GPM6A: variants seen among roughly 807,000 people sequenced by gnomAD.
The protein encoded by GPM6A is neuronal membrane glycoprotein M6-a.
In GPM6A, 7 loss-of-function variants were observed where a neutral mutation model predicts 32.1. The observed-to-expected ratio is 0.22, with a 90% CI of 0.12 to 0.41. The LOEUF is 0.41. Among genes scored for constraint, GPM6A ranks in the 10% least tolerant of loss-of-function variants. The pLI is 1.00. For synonymous variants in GPM6A, 130 were observed against 123.4 expected, an observed-to-expected ratio of 1.05 and a Z score of -0.35; for missense variants, 235 against 347.2, an observed-to-expected ratio of 0.68 and a Z score of 2.57.
At chr4:175,914,353 ACT>A (rs1469304219) in intron 1 of GPM6A, among the ~76,000 whole-genome samples, 2 of 152,062 alleles carry the variant, frequency 1.3e-5, no homozygotes, top group African/African-American at 4.8e-5. Context: ...ACAGAGTCTC[ACT>A]CTATAGCCCA....
chr4:175,993,061 C>A (rs768276846), intron 1 of GPM6A, among the ~76,000 whole-genome samples: 1 of 152,042 alleles, frequency 6.6e-6, no homozygotes, highest in Non-Finnish European at 1.5e-5. Flanking sequence ...TGAAACAGTT[C>A]TTTCCTACCC....
chr4:175,837,244 TTC>T (rs1040176345), intron 1 of GPM6A, among the ~76,000 whole-genome samples: 1 of 152,064 alleles, frequency 6.6e-6, no homozygotes, highest in African/African-American at 2.4e-5. Flanking sequence ...AGAGAACAGA[TTC>T]TCTCCTAGAG....
intron 1 of GPM6A, among the ~76,000 whole-genome samples, chr4:175,737,659 T>C (rs900410392): frequency 3.3e-5 from 5 of 152,186 alleles, no homozygotes; most frequent in African/African-American, 1.2e-4. Context: ...TGAAAACATG[T>C]TCATCTTTGT....
At chr4:175,668,937 G>A (rs1398209899) in intron 3 of GPM6A, among the ~76,000 whole-genome samples, 5 of 152,068 alleles carry the variant, frequency 3.3e-5, no homozygotes, top group South Asian at 2.1e-4. Flanking sequence ...TGAGGTTAGC[G>A]GCATGGACTC....
Position 175,633,914 on chromosome 4 carries a change from T to C in GPM6A, c.*991A>G, listed in dbSNP as rs973891162. On this transcript the variant is annotated 3_prime_UTR_variant, in exon 7 of 7. Transcript: ENST00000393658. ...CCTTTTCAAATATATCATACACATT[T>C]TAGGAATAGTTTACAGAGGTGCAAT... The C allele has an allele frequency of 1.3e-5, 2 of 152,498 alleles. No individual in the cohort carries two copies. The highest frequency in any genetic ancestry group is 4.8e-5 in the African/African-American group (2 of 41,410). The allele number at this position is 152,498 out of a possible 1,614,324, so 9.4% of individuals were successfully genotyped here.
intron 2 of GPM6A, among the ~76,000 whole-genome samples, chr4:175,681,552 C>A (rs1308355296): frequency 6.6e-6 from 1 of 152,048 alleles, no homozygotes; most frequent in African/African-American, 2.4e-5. Context: ...TGATTGTAAT[C>A]CCCAATGCTG....
chr4:175,735,758 C>T (rs866334938), intron 1 of GPM6A, among the ~76,000 whole-genome samples: 1 of 152,096 alleles, frequency 6.6e-6, no homozygotes, highest in Non-Finnish European at 1.5e-5. Flanking sequence ...GACTGGGTTT[C>T]ACCACGTTGG....
At chr4:175,894,864 A>T (rs975948742) in intron 1 of GPM6A, among the ~76,000 whole-genome samples, 3 of 152,180 alleles carry the variant, frequency 2.0e-5, no homozygotes, top group African/African-American at 7.2e-5. Flanking sequence ...AAAAGAGATT[A>T]AGTATCACAT....
intron 1 of GPM6A, among the ~76,000 whole-genome samples, chr4:175,986,536 A>G (rs1174699151): frequency 1.3e-5 from 2 of 152,206 alleles, no homozygotes; most frequent in Admixed American, 1.3e-4. Context: ...TGGGCAACAG[A>G]GTGAGACTCC....
upstream of GPM6A, chr4:175,812,379 CAG>C: frequency 7.5e-7 from 1 of 1,339,348 alleles, no homozygotes; most frequent in Non-Finnish European, 9.4e-7. Flanking sequence ...GGCAAGTCCT[CAG>C]AGCTTAGCTC....
At chr4:175,846,522 A>T (rs556588201) in intron 1 of GPM6A, among the ~76,000 whole-genome samples, 1 of 152,124 alleles carries the variant, frequency 6.6e-6, no homozygotes, top group East Asian at 1.9e-4. Flanking sequence ...CGTGAGAGGC[A>T]CTCTGGATTA....
chr4:175,714,994 GA>G (rs34494840), intron 1 of GPM6A, among the ~76,000 whole-genome samples: 16,848 of 105,338 alleles, frequency 0.16, 1,201 homozygotes, highest in East Asian at 0.32. Context: ...ATCCCTGGAA[GA>G]AAAAAAAAAA....
intron 1 of GPM6A, among the ~76,000 whole-genome samples, chr4:175,732,912 A>G (rs1731494425): frequency 6.6e-6 from 1 of 152,182 alleles, no homozygotes. Flanking sequence ...GTATTTCATA[A>G]TCTGAGGAAA....
chr4:175,784,179 C>G (rs1733711876), intron 1 of GPM6A, among the ~76,000 whole-genome samples: 1 of 152,008 alleles, frequency 6.6e-6, no homozygotes, highest in Non-Finnish European at 1.5e-5. Context: ...TAGTCTTCCC[C>G]CAAATCTATA....
intron 1 of GPM6A, among the ~76,000 whole-genome samples, chr4:175,852,064 G>T (rs527554595): frequency 1.8e-4 from 27 of 152,224 alleles, no homozygotes; most frequent in African/African-American, 6.5e-4. Flanking sequence ...CCAGGGGAGG[G>T]TATTGAACTC....
At chr4:175,864,812 TTTTTCTTTTTTCTTC>T (rs2111427136) in intron 1 of GPM6A, among the ~76,000 whole-genome samples, 1 of 152,174 alleles carries the variant, frequency 6.6e-6, no homozygotes, top group East Asian at 1.9e-4. Context: ...TTATTTCATT[TTTTTCTTTTTTCTTC>T]TTTTCTTTTT....
intron 3 of GPM6A, among the ~76,000 whole-genome samples, chr4:175,663,661 AAATC>A (rs1391789296): frequency 2.0e-5 from 3 of 152,172 alleles, no homozygotes; most frequent in East Asian, 1.9e-4. Context: ...TTGTCAATTT[AAATC>A]AATCAATCAA....
intron 1 of GPM6A, among the ~76,000 whole-genome samples, chr4:175,792,182 C>T (rs899680352): frequency 2.0e-5 from 3 of 152,060 alleles, no homozygotes; most frequent in African/African-American, 7.2e-5. Context: ...AAATTTTAAG[C>T]TCATATGTTT....
chr4:175,645,880 C>T (rs375941510), intron 4 of GPM6A, among the ~76,000 whole-genome samples: 1 of 152,114 alleles, frequency 6.6e-6, no homozygotes, highest in Non-Finnish European at 1.5e-5. Flanking sequence ...ATTTACGTTG[C>T]TAATTTTAAA....
Sources: allele counts gnomAD v4.1 joint callset (sites outside exome capture counted in the v4.1 genomes callset), GRCh38; gene constraint gnomAD v4.1.1; transcripts MANE v1.5; gene names NCBI Gene and HGNC (gene_info 2026-07-23, HGNC 2026-07-21).